ADAMTS6: variants seen among roughly 807,000 people sequenced by gnomAD.
ADAMTS6 encodes the protein A disintegrin and metalloproteinase with thrombospondin motifs 6.
In ADAMTS6, 23 loss-of-function variants were observed where a neutral mutation model predicts 144.3. The ratio of observed to expected loss-of-function variants is 0.16; its 90% CI spans 0.11 to 0.23. The LOEUF (loss-of-function observed/expected upper bound fraction) is 0.23, where lower values mean the gene tolerates loss of function less well. ADAMTS6 is among the 10% of genes least tolerant of loss of function. ADAMTS6 has a pLI of 1.00. For missense variants in ADAMTS6, 999 were observed against 1,379.6 expected (o/e 0.72, Z 4.37); for synonymous variants, 444 against 457.5 (o/e 0.97, Z 0.38).
At chr5:65,437,527 A>G (rs1279834660) in intron 7 of ADAMTS6, among the ~76,000 whole-genome samples, 1 of 152,168 alleles carries the variant, frequency 6.6e-6, no homozygotes, top group African/African-American at 2.4e-5. Flanking sequence ...TGGGAATTGT[A>G]GGAGTTACAA....
At chr5:65,341,278 T>C (rs1747794951) in intron 7 of ADAMTS6, among the ~76,000 whole-genome samples, 1 of 151,108 alleles carries the variant, frequency 6.6e-6, no homozygotes, top group African/African-American at 2.4e-5. Flanking sequence ...AATAAACAAC[T>C]TAACAATGCA....
chr5:65,169,653 T>C (rs1333965093), intron 24 of ADAMTS6, among the ~76,000 whole-genome samples: 1 of 150,352 alleles, frequency 6.7e-6, no homozygotes, highest in East Asian at 2.0e-4. Context: ...CCAACAATGA[T>C]AGACTGGATT....
chr5:65,289,796 G>A (rs568197192), intron 11 of ADAMTS6, among the ~76,000 whole-genome samples: 1 of 152,138 alleles, frequency 6.6e-6, no homozygotes, highest in South Asian at 2.1e-4. Flanking sequence ...CAAAAATATA[G>A]ATTATTTCAC....
intron 11 of ADAMTS6, among the ~76,000 whole-genome samples, chr5:65,285,787 G>T (rs1440792180): frequency 1.3e-5 from 2 of 152,150 alleles, no homozygotes; most frequent in Non-Finnish European, 2.9e-5. Flanking sequence ...GTTAGAAAAG[G>T]CCTCATTTAC....
rs1752188494 is a variant in ADAMTS6 at position 65,383,188 on chromosome 5, CA to C, written c.1074-49104del. Among the ~76,000 whole-genome samples the C allele has an allele frequency of 2.0e-5, 3 of 152,126 alleles. No individual in the cohort carries two copies. The South Asian group carries it at 6.2e-4, about 32-fold the overall frequency. ...ATATACACTTTTTGCTCCGACCCCA[CA>C]AAATTCACATCCTTCTCACATACAA... On this transcript the variant is annotated intron_variant, in intron 7 of 24. Transcript: ENST00000381055.
chr5:65,383,541 G>A (rs1008369651), intron 7 of ADAMTS6, among the ~76,000 whole-genome samples: 7 of 152,166 alleles, frequency 4.6e-5, no homozygotes, highest in African/African-American at 1.7e-4. Flanking sequence ...CAGACATACT[G>A]GGACAGGGAT....
At chr5:65,222,219 G>A (rs78587829) in intron 18 of ADAMTS6, among the ~76,000 whole-genome samples, 7 of 152,154 alleles carry the variant, frequency 4.6e-5, no homozygotes, top group South Asian at 2.1e-4. Flanking sequence ...TTCAAGACCC[G>A]CTGGGAAGCT....
At position 65,225,024 on chromosome 5, in the gene ADAMTS6, C is replaced by A. The variant is rs79963379; in HGVS notation, c.2091G>T (p.Leu697Phe). The stretch of plus-strand genomic sequence containing the variant: ...ATCTATCTTCCCTAGCATCAGATCC[C>A]AAAATATTATCACAGCCTACGTGCT... The part of the protein sequence containing the change: ...ECKHVGCDNI[L>F]GSDAREDRCR... The change falls in exon 17 of 25, where the codon TTG becomes TTT. Residue 697 changes from leucine to phenylalanine, a missense_variant. Transcript: ENST00000381055. 3.4e-5 allele frequency: 55 copies of A among 1,613,810 alleles called. No individual in the cohort carries two copies. The highest frequency in any genetic ancestry group is 4.7e-5 in the Non-Finnish European group (55 of 1,179,976).
chr5:65,196,976 T>C, intron 21 of ADAMTS6, 46 bp downstream of exon 21: 1 of 1,587,518 alleles, frequency 6.3e-7, no homozygotes, highest in Non-Finnish European at 8.6e-7. Flanking sequence ...AATGTTTTTC[T>C]CTTTGCACCT....
At chr5:65,426,576 T>C (rs955665481) in intron 7 of ADAMTS6, among the ~76,000 whole-genome samples, 2 of 151,970 alleles carry the variant, frequency 1.3e-5, no homozygotes, top group African/African-American at 4.8e-5. Flanking sequence ...AACAACACTT[T>C]CAAAAAAATG....
At chr5:65,447,993 C>G (rs919850791) in intron 7 of ADAMTS6, among the ~76,000 whole-genome samples, 90 of 150,662 alleles carry the variant, frequency 6.0e-4, no homozygotes, top group African/African-American at 2.1e-3. Context: ...CCTAAAGCTG[C>G]TCTTTGGTAT....
intron 8 of ADAMTS6, among the ~76,000 whole-genome samples, chr5:65,331,437 C>A (rs530986113): frequency 6.6e-6 from 1 of 152,158 alleles, no homozygotes; most frequent in African/African-American, 2.4e-5. Context: ...TCTGCTAGAA[C>A]AACAACTTCA....
At chr5:65,351,361 C>T (rs1021528490) in intron 7 of ADAMTS6, among the ~76,000 whole-genome samples, 1 of 151,862 alleles carries the variant, frequency 6.6e-6, no homozygotes, top group African/African-American at 2.4e-5. Context: ...TATAAATAAC[C>T]AAAATGTTTT....
At chr5:65,252,313 T>C (rs1172349578) in intron 14 of ADAMTS6, among the ~76,000 whole-genome samples, 3 of 109,528 alleles carry the variant, frequency 2.7e-5, no homozygotes, top group Non-Finnish European at 5.6e-5. Flanking sequence ...TTGTGACCAA[T>C]CTTTTTTTTT....
intron 18 of ADAMTS6, among the ~76,000 whole-genome samples, chr5:65,216,782 T>TACACACACACACAC (rs10584577): frequency 0.02 from 2,971 of 148,590 alleles, 41 homozygotes; most frequent in Middle Eastern, 0.038. Flanking sequence ...TTACAAGAAA[T>TACACACACACACAC]ACACACACAC....
intron 14 of ADAMTS6, among the ~76,000 whole-genome samples, chr5:65,247,116 G>A (rs956978896): frequency 6.6e-6 from 1 of 152,110 alleles, no homozygotes; most frequent in Non-Finnish European, 1.5e-5. Context: ...CTCACCAAGC[G>A]TCTTCTCCTT....
intron 7 of ADAMTS6, among the ~76,000 whole-genome samples, chr5:65,391,092 T>G (rs1327364498): frequency 6.6e-6 from 1 of 152,168 alleles, no homozygotes; most frequent in East Asian, 1.9e-4. Flanking sequence ...GGCTAAGTTT[T>G]GCATTTTTTG....
At chr5:65,173,905 C>A (rs1288430430) in intron 22 of ADAMTS6, among the ~76,000 whole-genome samples, 1 of 151,940 alleles carries the variant, frequency 6.6e-6, no homozygotes, top group Non-Finnish European at 1.5e-5. Context: ...TGTCTGTAGC[C>A]CCAGCTACTT....
intron 7 of ADAMTS6, among the ~76,000 whole-genome samples, chr5:65,433,810 G>A (rs932740459): frequency 3.9e-5 from 6 of 152,154 alleles, no homozygotes; most frequent in African/African-American, 1.4e-4. Context: ...ATTTCTGGTG[G>A]TAATGTAAAA....
Sources: allele counts gnomAD v4.1 joint callset (sites outside exome capture counted in the v4.1 genomes callset), GRCh38; gene constraint gnomAD v4.1.1; transcripts MANE v1.5; gene names NCBI Gene and HGNC (gene_info 2026-07-23, HGNC 2026-07-21).